The following NFIC variants were observed in gnomAD, a reference collection of about 807,000 sequenced individuals.
NFIC encodes the protein nuclear factor 1 C-type.
NFIC carries 12 observed loss-of-function variants against 54.4 expected under a neutral mutation model. The observed-to-expected ratio is 0.22, with a 90% confidence interval of 0.14 to 0.36. The LOEUF is 0.36. Ranked by LOEUF, NFIC falls within the 10% of genes least tolerant of loss-of-function variation. NFIC has a pLI of 1.00. For synonymous variants in NFIC, 322 were observed against 319.2 expected (o/e 1.01, Z -0.09); for missense variants, 575 against 718.2 (o/e 0.80, Z 2.28).
At position 3,459,948 on chromosome 19, in the gene NFIC, TC is replaced by T. The variant is rs2082616168; in HGVS notation, c.1510-2802del. ...TGGGGAGTGGAGGGGTCTCCCCAGT[TC>T]CAGAGGCACAGCCCTCCCCTCACAG... On this transcript the variant is annotated intron_variant, in intron 10 of 10. Coordinates refer to ENST00000443272, the MANE Select transcript of NFIC (RefSeq NM_001245002.2). This position sits in a 1 kb window ranked among gnomAD's most constrained non-coding sequence, Gnocchi z 4.2. Among the ~76,000 whole-genome samples, 1 of 152,058 alleles carries T rather than the reference TC, an allele frequency of 6.6e-6. No individual in the cohort carries two copies. The highest frequency in any genetic ancestry group is 2.1e-4 in the South Asian group (1 of 4,820).
chr19:3,387,248 T>C (rs1386724175), intron 2 of NFIC, among the ~76,000 whole-genome samples: 1 of 152,190 alleles, frequency 6.6e-6, no homozygotes, highest in Non-Finnish European at 1.5e-5. Context: ...ATACCTGCAA[T>C]CCCAGCACTT....
chr19:3,386,479 C>T (rs1475441211), intron 2 of NFIC, among the ~76,000 whole-genome samples: 1 of 152,026 alleles, frequency 6.6e-6, no homozygotes, highest in East Asian at 1.9e-4. Flanking sequence ...AGCGCCACCA[C>T]ACCTGGCCAA....
At chr19:3,435,299 G>C in intron 6 of NFIC, 92 bp downstream of exon 6, 2 of 1,433,982 alleles carry the variant, frequency 1.4e-6, no homozygotes, top group African/African-American at 1.4e-5. Flanking sequence ...CGGGCGCCGC[G>C]GGGCAGGAAG....
Position 3,458,270 on chromosome 19 carries a change from T to C in NFIC, c.1509+1635T>C, listed in dbSNP as rs980606602. ...CAACCTCTCCCCCGCCTGGTGCTGA[T>C]GGAGCCCGGCATTACCTCTGCCACC... On this transcript the variant is annotated intron_variant, in intron 10 of 10. Transcript: ENST00000443272. This position sits in a 1 kb window ranked among gnomAD's most constrained non-coding sequence, Gnocchi z 4.1. Among the ~76,000 whole-genome samples, 3 of 152,192 alleles carry C rather than the reference T, an allele frequency of 2.0e-5. No individual in the cohort carries two copies. Among genetic ancestry groups the C allele is most frequent in the African/African-American group, 7.2e-5 (3 of 41,444 alleles).
chr19:3,414,559 C>T (rs1420064581), intron 2 of NFIC, among the ~76,000 whole-genome samples: 3 of 151,696 alleles, frequency 2.0e-5, no homozygotes, highest in Non-Finnish European at 4.4e-5. Flanking sequence ...CACGTCACCG[C>T]ACTCCAGTCT....
chr19:3,378,279 A>AG (rs2081142386), intron 1 of NFIC, among the ~76,000 whole-genome samples: 1 of 151,532 alleles, frequency 6.6e-6, no homozygotes, highest in African/African-American at 2.4e-5. Context: ...AAAAAAAAAA[A>AG]AAGGAGATGG....
At position 3,452,490 on chromosome 19, in the gene NFIC, C is replaced by A; in HGVS notation, c.1093C>A (p.Arg365=). Residue 365 remains arginine (R), a synonymous_variant, in exon 8 of 11, where the codon CGG becomes AGG. Coordinates refer to ENST00000443272, the MANE Select transcript of NFIC (RefSeq NM_001245002.2). The surrounding 1 kb of genome is among the most constrained non-coding windows in gnomAD (Gnocchi z 5.3). ...PVIAVHSGIA[R]SPHPSSALHF... ...TCCCACTGTCTCCGCAGGGATCGCC[C>A]GGAGCCCACACCCGTCCTCCGCTCT... is the stretch of plus-strand genomic sequence containing the variant. 1.2e-6 allele frequency: 2 copies of A among 1,611,852 alleles called. No homozygotes were observed. The highest frequency in any genetic ancestry group is 1.3e-5 in the African/African-American group (1 of 75,004).
rs759712575 is a variant in NFIC at position 3,453,742 on chromosome 19, C to T, written c.1270-21C>T. ...AGAGGGGGAGCCCACCCCTTAACCA[C>T]GTGTCTCTCTGTTCCCCCAGTTAAA... On this transcript the variant is annotated intron_variant, in intron 8 of 10. Coordinates refer to ENST00000443272, the MANE Select transcript of NFIC (RefSeq NM_001245002.2). The surrounding 1 kb of genome is among the most constrained non-coding windows in gnomAD (Gnocchi z 6.7). 14 of 1,594,450 alleles carry T rather than the reference C, an allele frequency of 8.8e-6. No homozygotes were observed. Among genetic ancestry groups the T allele is most frequent in the East Asian group, 4.7e-5 (2 of 42,794 alleles).
intron 10 of NFIC, among the ~76,000 whole-genome samples, chr19:3,460,828 TA>T (rs1315007508): frequency 6.6e-6 from 1 of 151,760 alleles, no homozygotes; most frequent in Non-Finnish European, 1.5e-5. Flanking sequence ...GTTTACTTTT[TA>T]AAAACATTCT....
At chr19:3,361,051 T>C (rs2080804248) in intron 1 of NFIC, among the ~76,000 whole-genome samples, 1 of 152,150 alleles carries the variant, frequency 6.6e-6, no homozygotes, top group Admixed American at 6.5e-5. Context: ...CTCCACCTTT[T>C]CAAAACTCTG....
In NFIC at chr19:3,467,088, A is replaced by G. The variant is rs2082725440; in HGVS notation, c.*4319A>G. On this transcript the variant is annotated 3_prime_UTR_variant, in exon 11 of 11. Transcript: ENST00000443272. The stretch of plus-strand genomic sequence containing the variant: ...GCCGTCATCCCTGGGTGGAGGAGGG[A>G]GTGTTGGTTTTTTGTTTTTGTTTTT... 6.8e-6 allele frequency: 1 copy of G among 147,506 alleles called. No individual in the cohort carries two copies. The highest frequency in any genetic ancestry group is 2.7e-5 in the African/African-American group (1 of 37,470). 9.1% of individuals were successfully genotyped at this position (147,506 alleles called of 1,614,324 possible).
rs956959037 is a variant in NFIC, at chr19:3,360,716, G to C, written c.3+1031G>C. The stretch of plus-strand genomic sequence containing the variant: ...CGGCTGCGGGACACTTGTGTCTTTG[G>C]ATAACTGGGCGACTGTGCGCGCGTC... On this transcript the variant is annotated intron_variant, in intron 1 of 9. Transcript: ENST00000395111. Among the ~76,000 whole-genome samples, 3 of 152,210 alleles carry C rather than the reference G, an allele frequency of 2.0e-5. No homozygotes were observed. The South Asian group carries it at 6.2e-4, about 32-fold the overall frequency.
intron 2 of NFIC, among the ~76,000 whole-genome samples, chr19:3,400,863 T>G (rs1206496875): frequency 6.6e-6 from 1 of 151,768 alleles, no homozygotes; most frequent in Non-Finnish European, 1.5e-5. Context: ...ATAATAAAAA[T>G]AAAAAGAAAT....
In NFIC at chr19:3,369,762, G is replaced by A. The variant is rs965936922; in HGVS notation, c.30+3096G>A. ...GGGCCTCCCTCCCTGCCTCCCTCCC[G>A]CTGGCGCCACCGCCACGTTAGTTAT... On this transcript the variant is annotated intron_variant, in intron 1 of 10. Transcript: ENST00000443272. The surrounding 1 kb of genome is among the most constrained non-coding windows in gnomAD (Gnocchi z 4.3). 2.0e-5 allele frequency among the ~76,000 whole-genome samples: 3 copies of A among 150,746 alleles called. No individual in the cohort carries two copies. The highest frequency in any genetic ancestry group is 2.2e-4 in the South Asian group (1 of 4,528).
upstream of NFIC, chr19:3,366,546 T>TGG (rs1568394588): frequency 2.8e-5 from 9 of 317,326 alleles, no homozygotes; most frequent in Admixed American, 1.3e-4. Context: ...GGGGGGGGGG[T>TGG]TGGGGGGGGC....
At chr19:3,439,375 A>G (rs1365996110) in intron 6 of NFIC, among the ~76,000 whole-genome samples, 1 of 127,690 alleles carries the variant, frequency 7.8e-6, no homozygotes, top group African/African-American at 2.9e-5. Context: ...AAAAAAAAAA[A>G]GGCTCACCTG....
In NFIC at chr19:3,460,734, G is replaced by A. The variant is rs564630277; in HGVS notation, c.1510-2018G>A. 3.8e-3 allele frequency among the ~76,000 whole-genome samples: 581 copies of A among 151,952 alleles called. 1 individual carries two copies. The highest frequency in any genetic ancestry group is 6.9e-3 in the Non-Finnish European group (467 of 67,920). On this transcript the variant is annotated intron_variant, in intron 10 of 10. Coordinates refer to ENST00000443272, the MANE Select transcript of NFIC (RefSeq NM_001245002.2). ...TCACCATGTTGGCCAGGCTGGTCTC[G>A]AACCCCTGACCTCAGGTGATCCACC...
At chr19:3,401,970 C>T (rs1398498040) in intron 2 of NFIC, among the ~76,000 whole-genome samples, 1 of 152,134 alleles carries the variant, frequency 6.6e-6, no homozygotes, top group East Asian at 1.9e-4. Context: ...GATCCAACCG[C>T]CTCGACCTCC....
intron 1 of NFIC, among the ~76,000 whole-genome samples, chr19:3,367,513 C>G (rs2080917522): frequency 6.6e-6 from 1 of 152,140 alleles, no homozygotes; most frequent in South Asian, 2.1e-4. Context: ...CCTCTCACCC[C>G]TGGCCGCACT....
Sources: allele counts gnomAD v4.1 joint callset (sites outside exome capture counted in the v4.1 genomes callset), GRCh38; gene constraint gnomAD v4.1.1; non-coding constraint Gnocchi (gnomAD v3.1); transcripts MANE v1.5; gene names NCBI Gene and HGNC (gene_info 2026-07-23, HGNC 2026-07-21).